Variants in PLAC1 observed in about 807,000 individuals in gnomAD.
The protein encoded by PLAC1 is placenta-specific protein 1.
For synonymous variants in PLAC1, 68 were observed against 62.1 expected (o/e 1.09, Z -0.44); for missense variants, 136 against 163.2 (o/e 0.83, Z 0.91).
At chrX:134,581,325 G>A (rs1003683578) in intron 2 of PLAC1, among the ~76,000 whole-genome samples, 1 of 110,433 alleles carries the variant, frequency 9.1e-6, no homozygotes, top group East Asian at 2.8e-4. Context: ...TGTAAAAACT[G>A]GAAAAAGGGT....
intron 2 of PLAC1, among the ~76,000 whole-genome samples, chrX:134,713,222 G>A (rs1290654936): frequency 4.5e-5 from 5 of 111,625 alleles, no homozygotes; most frequent in Non-Finnish European, 7.5e-5. Flanking sequence ...AAGAGCTTCC[G>A]ACCTCAGATA....
intron 1 of PLAC1, among the ~76,000 whole-genome samples, chrX:134,761,067 G>A (rs2078768610): frequency 9.0e-6 from 1 of 111,454 alleles, no homozygotes; most frequent in Non-Finnish European, 1.9e-5. Context: ...TTACCCATAG[G>A]CTCATGAGAA....
chrX:134,666,943 C>G (rs988117493), intron 2 of PLAC1, among the ~76,000 whole-genome samples: 1 of 112,366 alleles, frequency 8.9e-6, no homozygotes, highest in Admixed American at 9.4e-5. Context: ...AAAGGATAGT[C>G]TTTTAAACAA....
rs1460699415 is a variant in PLAC1, at chrX:134,602,050, C to A, written c.-59+1G>T. On this transcript the variant is annotated splice_donor_variant, in intron 2 of 2. Coordinates refer to ENST00000359237, the MANE Select transcript of PLAC1 (RefSeq NM_021796.4). LOFTEE classifies it low-confidence loss of function (5UTR_SPLICE). ...GGACACTGAACACACAGAAAACTAA[C>A]CTTCTTCTGGCAGCTGGGGATAATT... 1 of 112,722 alleles carries A rather than the reference C, an allele frequency of 8.9e-6. No individual in the cohort carries two copies. The allele number at this position is 112,722 out of a possible 1,213,427, so 9.3% of individuals were successfully genotyped here.
upstream of PLAC1, among the ~76,000 whole-genome samples, chrX:134,662,840 A>T (rs919837223): frequency 2.7e-5 from 3 of 111,662 alleles, no homozygotes; most frequent in Non-Finnish European, 5.6e-5. Flanking sequence ...GAGGCAGGAG[A>T]ATTGCTTGAA....
At chrX:134,738,835 A>G (rs761194185) in intron 1 of PLAC1, among the ~76,000 whole-genome samples, 78 of 112,454 alleles carry the variant, frequency 6.9e-4, no homozygotes, top group Non-Finnish European at 1.2e-3. Context: ...ATATTTAGAC[A>G]ATGATGCAAA....
chrX:134,600,847 C>T (rs1013852132), intron 2 of PLAC1: 3 of 110,655 alleles, frequency 2.7e-5, no homozygotes, highest in Non-Finnish European at 3.8e-5. Flanking sequence ...AATCCCACAA[C>T]GTAGGGATAA....
chrX:134,680,502 G>C (rs144876311), intron 2 of PLAC1, among the ~76,000 whole-genome samples: 176 of 106,892 alleles, frequency 1.6e-3, no homozygotes, highest in African/African-American at 5.9e-3. Flanking sequence ...AAGGGCTTCT[G>C]TATGAGCAAG....
chrX:134,627,709 A>G (rs745343631), intron 1 of PLAC1, among the ~76,000 whole-genome samples: 1 of 112,195 alleles, frequency 8.9e-6, no homozygotes, highest in Non-Finnish European at 1.9e-5. Flanking sequence ...CTTTATTTTC[A>G]TTCCCTTTCA....
chrX:134,682,207 G>T (rs1488988827), intron 2 of PLAC1, among the ~76,000 whole-genome samples: 1 of 112,527 alleles, frequency 8.9e-6, no homozygotes, highest in Non-Finnish European at 1.9e-5. Flanking sequence ...TTAATTCTAT[G>T]ATTCCTTCTG....
intron 1 of PLAC1, among the ~76,000 whole-genome samples, chrX:134,653,326 C>T (rs974263226): frequency 8.9e-5 from 10 of 112,468 alleles, no homozygotes; most frequent in Admixed American, 7.5e-4. Flanking sequence ...CCAGACACAT[C>T]ACTACCCACC....
upstream of PLAC1, among the ~76,000 whole-genome samples, chrX:134,662,209 G>T (rs1050952942): frequency 5.4e-5 from 6 of 111,493 alleles, no homozygotes; most frequent in Non-Finnish European, 9.4e-5. Flanking sequence ...CTCCAGCCTG[G>T]GTGACAGAAT....
At chrX:134,746,637 A>T (rs1258885093) in intron 1 of PLAC1, among the ~76,000 whole-genome samples, 1 of 111,711 alleles carries the variant, frequency 9.0e-6, no homozygotes, top group African/African-American at 3.3e-5. Context: ...CGTATCATAT[A>T]TTATAGATGA....
intron 1 of PLAC1, among the ~76,000 whole-genome samples, chrX:134,609,179 C>A (rs35026167): frequency 0.028 from 3,123 of 111,152 alleles, 59 homozygotes; most frequent in Admixed American, 0.095. Flanking sequence ...TTGTCATCTC[C>A]CACCATGCCC....
intron 2 of PLAC1, among the ~76,000 whole-genome samples, chrX:134,690,981 T>A (rs1178122110): frequency 1.1e-3 from 8 of 7,161 alleles, no homozygotes; most frequent in East Asian, 6.1e-3. Flanking sequence ...AAAAAATATA[T>A]ATATATATAT....
chrX:134,660,974 A>G (rs1196474083), upstream of PLAC1, among the ~76,000 whole-genome samples: 2 of 79,562 alleles, frequency 2.5e-5, no homozygotes, highest in East Asian at 3.3e-4. Context: ...TCATCCCAGG[A>G]GCCTTTTTAG....
intron 2 of PLAC1, among the ~76,000 whole-genome samples, chrX:134,690,570 T>G (rs1004704805): frequency 2.4e-4 from 27 of 111,115 alleles, no homozygotes; most frequent in Non-Finnish European, 9.4e-5. Flanking sequence ...CACTGTTCCA[T>G]GGCTGACTTG....
chrX:134,679,273 C>T (rs1223922255), intron 2 of PLAC1, among the ~76,000 whole-genome samples: 1 of 110,889 alleles, frequency 9.0e-6, no homozygotes, highest in Non-Finnish European at 1.9e-5. Context: ...GTCTGAGATG[C>T]CTATAACATG....
intron 1 of PLAC1, chrX:134,651,296 C>A: frequency 1.0e-5 from 2 of 198,979 alleles, no homozygotes; most frequent in South Asian, 9.3e-5. Flanking sequence ...CGCAAAAGTT[C>A]ATTTGGACAA....
Sources: allele counts gnomAD v4.1 joint callset (sites outside exome capture counted in the v4.1 genomes callset), GRCh38; gene constraint gnomAD v4.1.1; transcripts MANE v1.5; gene names NCBI Gene and HGNC (gene_info 2026-07-23, HGNC 2026-07-21).